RAD51B: variants seen among roughly 807,000 people sequenced by gnomAD.
RAD51B encodes the protein DNA repair protein RAD51 homolog 2.
Under a neutral mutation model 42.2 loss-of-function variants are expected in RAD51B, and 38 were observed. The observed-to-expected ratio is 0.90, with a 90% CI of 0.70 to 1.18. RAD51B has a LOEUF of 1.18. Ranked by LOEUF, RAD51B falls within the 50% of genes most tolerant of loss-of-function variation. The pLI is 0.00. For missense variants in RAD51B, 373 were observed against 400.7 expected (o/e 0.93, Z 0.59); for synonymous variants, 154 against 145.2 (o/e 1.06, Z -0.43).
chr14:68,201,629 G>A (rs891279229), intron 7 of RAD51B, among the ~76,000 whole-genome samples: 4 of 152,156 alleles, frequency 2.6e-5, no homozygotes, highest in East Asian at 3.8e-4. Context: ...CCTGTCAAGC[G>A]AAGATGCAGG....
At chr14:68,353,693 G>A (rs57955495) in intron 8 of RAD51B, among the ~76,000 whole-genome samples, 3 of 152,174 alleles carry the variant, frequency 2.0e-5, no homozygotes, top group Non-Finnish European at 4.4e-5. Flanking sequence ...GCACAGAGCC[G>A]GGCGTTGGGG....
intron 10 of RAD51B, chr14:68,541,711 A>C: frequency 1.0e-6 from 1 of 985,458 alleles, no homozygotes. Context: ...AAGAAGAAAA[A>C]GCTGGCAAAG....
intron 10 of RAD51B, among the ~76,000 whole-genome samples, chr14:68,569,966 G>A (rs1262952591): frequency 6.6e-6 from 1 of 152,230 alleles, no homozygotes; most frequent in Non-Finnish European, 1.5e-5. Context: ...AACCAGGCCT[G>A]ATGTTAAAGA....
intron 7 of RAD51B, among the ~76,000 whole-genome samples, chr14:67,898,527 G>A (rs1220234207): frequency 6.6e-6 from 1 of 152,182 alleles, no homozygotes; most frequent in African/African-American, 2.4e-5. Context: ...GAACAGTAAT[G>A]TATACTTAAG....
At chr14:68,159,619 CAAA>C (rs113802276) in intron 7 of RAD51B, among the ~76,000 whole-genome samples, 4 of 62,064 alleles carry the variant, frequency 6.4e-5, no homozygotes, top group African/African-American at 1.2e-4. Flanking sequence ...AACTCCATCT[CAAA>C]AAAAAAAAAA....
intron 7 of RAD51B, among the ~76,000 whole-genome samples, chr14:68,264,517 T>C (rs1224152548): frequency 6.6e-6 from 1 of 152,236 alleles, no homozygotes; most frequent in African/African-American, 2.4e-5. Flanking sequence ...TTTGGAGTTA[T>C]CTGGGACCTC....
chr14:68,093,695 T>A (rs2077143081), intron 7 of RAD51B, among the ~76,000 whole-genome samples: 1 of 152,224 alleles, frequency 6.6e-6, no homozygotes, highest in African/African-American at 2.4e-5. Flanking sequence ...TGTGTCTCTA[T>A]TTCCTTCAGT....
chr14:68,184,261 G>A (rs370761777), intron 7 of RAD51B, among the ~76,000 whole-genome samples: 129 of 152,000 alleles, frequency 8.5e-4, no homozygotes, highest in African/African-American at 3.0e-3. Flanking sequence ...TTTGAGACAG[G>A]ATCTCACTGT....
chr14:67,976,923 C>A (rs1346615111), intron 7 of RAD51B, among the ~76,000 whole-genome samples: 1 of 152,132 alleles, frequency 6.6e-6, no homozygotes, highest in African/African-American at 2.4e-5. Flanking sequence ...ACAGACACTT[C>A]TCAAAAGAAG....
At chr14:68,190,037 G>GATTTCAAATTAATTTCAAAATA in intron 7 of RAD51B, among the ~76,000 whole-genome samples, 1 of 152,202 alleles carries the variant, frequency 6.6e-6, no homozygotes, top group African/African-American at 2.4e-5. Flanking sequence ...GAAGTGGAAT[G>GATTTCAAATTAATTTCAAAATA]ATTTCAAATT....
chr14:68,590,580 C>T (rs1167916723), intron 10 of RAD51B, among the ~76,000 whole-genome samples: 1 of 152,188 alleles, frequency 6.6e-6, no homozygotes, highest in Admixed American at 6.5e-5. Context: ...TTTATTACCT[C>T]CTAAGCCTGA....
intron 7 of RAD51B, among the ~76,000 whole-genome samples, chr14:68,209,223 A>T (rs2079652482): frequency 6.6e-6 from 1 of 152,204 alleles, no homozygotes; most frequent in African/African-American, 2.4e-5. Flanking sequence ...TACTTTTGGG[A>T]CATGTTGAAA....
chr14:68,165,615 C>T (rs1390712516), intron 7 of RAD51B, among the ~76,000 whole-genome samples: 2 of 152,148 alleles, frequency 1.3e-5, no homozygotes, highest in African/African-American at 4.8e-5. Context: ...TTATTTCACA[C>T]TAGCCAACAA....
rs187619643 is a variant in RAD51B, at chr14:68,108,944, T to C, written c.757-182940T>C. 4.3e-4 allele frequency among the ~76,000 whole-genome samples: 65 copies of C among 152,094 alleles called. 1 individual carries two copies. The highest frequency in any genetic ancestry group is 1.3e-3 in the African/African-American group (55 of 41,536). Reference sequence around the variant, plus strand: ...TATGAGGATCTTCAATTTTCATTATTTTATCAATCTGCTTGTCTATTGCCT... The same window carrying C: ...TATGAGGATCTTCAATTTTCATTATCTTATCAATCTGCTTGTCTATTGCCT... On this transcript the variant is annotated intron_variant, in intron 7 of 10. Transcript: ENST00000471583.
At chr14:68,138,521 G>C (rs1473211944) in intron 7 of RAD51B, among the ~76,000 whole-genome samples, 2 of 151,960 alleles carry the variant, frequency 1.3e-5, no homozygotes, top group Non-Finnish European at 2.9e-5. Flanking sequence ...CTCTTTTCTT[G>C]GGTTTTAAGC....
chr14:68,452,300 C>G (rs2085576991), intron 9 of RAD51B, among the ~76,000 whole-genome samples: 1 of 151,962 alleles, frequency 6.6e-6, no homozygotes, highest in Admixed American at 6.6e-5. Flanking sequence ...ATTGAAGTTA[C>G]CAAATTCAGA....
intron 7 of RAD51B, among the ~76,000 whole-genome samples, chr14:68,062,814 CAAAAAAA>C (rs962527138): frequency 1.3e-4 from 5 of 39,798 alleles, no homozygotes; most frequent in African/African-American, 1.9e-4. Context: ...GACTCTGTGA[CAAAAAAA>C]AAAAAAAAAA....
At chr14:67,956,900 C>T (rs1048530135) in intron 7 of RAD51B, among the ~76,000 whole-genome samples, 1 of 152,218 alleles carries the variant, frequency 6.6e-6, no homozygotes, top group African/African-American at 2.4e-5. Context: ...GTAGAAACTT[C>T]TGTTGGGTAG....
intron 7 of RAD51B, among the ~76,000 whole-genome samples, chr14:68,017,602 G>A (rs886506009): frequency 6.6e-6 from 1 of 152,040 alleles, no homozygotes; most frequent in Non-Finnish European, 1.5e-5. Context: ...TTTGCCCCTA[G>A]ATTTTATTTA....
Sources: allele counts gnomAD v4.1 joint callset (sites outside exome capture counted in the v4.1 genomes callset), GRCh38; gene constraint gnomAD v4.1.1; transcripts MANE v1.5; gene names NCBI Gene and HGNC (gene_info 2026-07-23, HGNC 2026-07-21).